Variants in PTPRT observed in about 807,000 individuals in gnomAD.
PTPRT encodes the protein receptor-type tyrosine-protein phosphatase T.
In PTPRT, 56 loss-of-function variants were observed where a neutral mutation model predicts 176.8. That is an observed-to-expected ratio of 0.32 (90% confidence interval 0.26 to 0.40). The LOEUF (loss-of-function observed/expected upper bound fraction) is 0.40, where lower values mean the gene tolerates loss of function less well. Ranked by LOEUF, PTPRT falls within the 10% of genes least tolerant of loss-of-function variation. PTPRT has a pLI of 1.00. For missense variants in PTPRT, 1,540 were observed against 1,908.2 expected (o/e 0.81, Z 3.60); for synonymous variants, 783 against 739.0 (o/e 1.06, Z -0.96).
At chr20:42,711,280 T>C (rs759244779) in intron 6 of PTPRT, among the ~76,000 whole-genome samples, 5 of 152,110 alleles carry the variant, frequency 3.3e-5, no homozygotes, top group Admixed American at 1.3e-4. Flanking sequence ...TGGAATGATA[T>C]AGTTTGAATG....
intron 2 of PTPRT, among the ~76,000 whole-genome samples, chr20:42,832,457 G>T (rs190249208): frequency 6.6e-6 from 1 of 151,826 alleles, no homozygotes; most frequent in Admixed American, 6.6e-5. Context: ...CCCACAACAC[G>T]AATCTTCCTA....
At chr20:42,659,593 G>C (rs2075187095) in intron 7 of PTPRT, among the ~76,000 whole-genome samples, 1 of 152,188 alleles carries the variant, frequency 6.6e-6, no homozygotes, top group Non-Finnish European at 1.5e-5. Flanking sequence ...AGATGTCTAA[G>C]CTGCCATGGC....
chr20:42,710,515 G>A (rs2076128886), intron 6 of PTPRT, among the ~76,000 whole-genome samples: 1 of 152,222 alleles, frequency 6.6e-6, no homozygotes, highest in Non-Finnish European at 1.5e-5. Context: ...GCTTCCACAT[G>A]GTGTTATGTT....
intron 13 of PTPRT, among the ~76,000 whole-genome samples, chr20:42,263,562 G>A (rs946699748): frequency 6.6e-6 from 1 of 151,330 alleles, no homozygotes; most frequent in Non-Finnish European, 1.5e-5. Context: ...TGTATTTTTA[G>A]TAGAGACGGG....
rs143945396 is a variant in PTPRT, at chr20:42,907,980, C to T, written c.89-22048G>A. 1.8e-3 allele frequency among the ~76,000 whole-genome samples: 270 copies of T among 152,200 alleles called. 1 individual carries two copies. Among genetic ancestry groups the T allele is most frequent in the African/African-American group, 6.4e-3 (264 of 41,514 alleles). On this transcript the variant is annotated intron_variant, in intron 1 of 30. Transcript: ENST00000373187. The stretch of plus-strand genomic sequence containing the variant: ...ATGAAAGAGAAGTTCCTGGGTACCC[C>T]ACCAAGCATAAGAACCCTTCGGGAA...
At chr20:42,972,179 G>A (rs567853877) in intron 1 of PTPRT, among the ~76,000 whole-genome samples, 346 of 144,400 alleles carry the variant, frequency 2.4e-3, no homozygotes, top group Non-Finnish European at 4.3e-3. Flanking sequence ...GTTTGTTTGG[G>A]GAGGGGAGGC....
intron 15 of PTPRT, among the ~76,000 whole-genome samples, chr20:42,202,598 A>G (rs1243030087): frequency 6.6e-6 from 1 of 152,212 alleles, no homozygotes; most frequent in Non-Finnish European, 1.5e-5. Flanking sequence ...ATCAAAAAGG[A>G]GTGTGTTTAA....
intron 6 of PTPRT, chr20:42,688,550 T>A (rs1046906381): frequency 1.3e-5 from 2 of 152,188 alleles, no homozygotes; most frequent in African/African-American, 4.8e-5. Flanking sequence ...ATAAAAACCC[T>A]CTGTTTGAAA....
At chr20:42,749,153 T>C (rs899694033) in intron 6 of PTPRT, among the ~76,000 whole-genome samples, 1 of 151,966 alleles carries the variant, frequency 6.6e-6, no homozygotes, top group Admixed American at 6.6e-5. Flanking sequence ...ACCTTATGAG[T>C]GTGCACACTA....
At chr20:42,918,285 TCCC>T in intron 1 of PTPRT, among the ~76,000 whole-genome samples, 1 of 151,942 alleles carries the variant, frequency 6.6e-6, no homozygotes, top group Non-Finnish European at 1.5e-5. Context: ...GGTTAAGAAA[TCCC>T]CCCATCTCCA....
Position 43,171,132 on chromosome 20 carries a change from G to A in PTPRT, c.88+18514C>T, listed in dbSNP as rs1020884542. 4.1e-4 allele frequency among the ~76,000 whole-genome samples: 62 copies of A among 151,986 alleles called. 3 individuals carry two copies. The highest frequency in any genetic ancestry group is 1.2e-4 in the African/African-American group (5 of 41,340). ...GTATCAAGGTCTGTGGCACACAGAG[G>A]GTACTTTAAGTATTCTTTCTTTAAT... On this transcript the variant is annotated intron_variant, in intron 1 of 30. Transcript: ENST00000373187.
intron 1 of PTPRT, among the ~76,000 whole-genome samples, chr20:42,906,634 C>A (rs2079481819): frequency 6.6e-6 from 1 of 152,178 alleles, no homozygotes; most frequent in Admixed American, 6.5e-5. Flanking sequence ...CTAGATGCTG[C>A]TGTGAGACCA....
At chr20:43,175,455 C>A (rs1264425223) in intron 1 of PTPRT, among the ~76,000 whole-genome samples, 2 of 152,252 alleles carry the variant, frequency 1.3e-5, no homozygotes, top group Non-Finnish European at 2.9e-5. Context: ...TTATCTGTAC[C>A]TTATTAATAA....
chr20:42,049,669 A>G, the PTPRT span, among the ~76,000 whole-genome samples: 1 of 152,196 alleles, frequency 6.6e-6, no homozygotes, highest in East Asian at 1.9e-4. Flanking sequence ...ATTGCTAGGC[A>G]CCACCATGCA....
At chr20:42,068,597 A>G (rs1982181024), downstream of PTPRT, among the ~76,000 whole-genome samples, 1 of 152,212 alleles carries the variant, frequency 6.6e-6, no homozygotes, top group Admixed American at 6.5e-5. Flanking sequence ...GACCATCTGG[A>G]GCAGGCACCT....
At chr20:43,065,832 A>G (rs2011107505) in intron 1 of PTPRT, among the ~76,000 whole-genome samples, 1 of 152,288 alleles carries the variant, frequency 6.6e-6, no homozygotes, top group Admixed American at 6.5e-5. Context: ...TTTCCTACAG[A>G]GTCAAAGAGC....
chr20:42,659,052 G>C (rs750563458), intron 7 of PTPRT, among the ~76,000 whole-genome samples: 30 of 151,950 alleles, frequency 2.0e-4, no homozygotes, highest in Middle Eastern at 3.2e-3. Flanking sequence ...TCCTTTTTTA[G>C]TGTTTTTCTG....
At chr20:42,356,968 A>T in intron 9 of PTPRT, among the ~76,000 whole-genome samples, 1 of 151,304 alleles carries the variant, frequency 6.6e-6, no homozygotes, top group Admixed American at 6.6e-5. Flanking sequence ...ATGACTCCTC[A>T]CCCTTAGCGG....
chr20:42,180,990 T>G (rs1990495729), intron 16 of PTPRT, among the ~76,000 whole-genome samples: 1 of 152,214 alleles, frequency 6.6e-6, no homozygotes, highest in South Asian at 2.1e-4. Flanking sequence ...GAAAGAAGCC[T>G]AGTACCAACA....
Sources: gnomAD v4.1 joint callset for allele counts (sites outside exome capture counted in the v4.1 genomes callset) on GRCh38, gnomAD v4.1.1 for gene constraint, MANE v1.5 for transcripts, NCBI Gene and HGNC (gene_info 2026-07-23, HGNC 2026-07-21) for gene names.